The following NABP1 variants were observed in gnomAD, a reference collection of about 807,000 sequenced individuals.
NABP1 encodes nucleic acid binding protein 1.
In NABP1, 18 loss-of-function variants were observed where a neutral mutation model predicts 25.0. That is an observed-to-expected ratio of 0.72 (90% confidence interval 0.50 to 1.07). The LOEUF (loss-of-function observed/expected upper bound fraction) is 1.07, where lower values mean the gene tolerates loss of function less well. Among genes scored for constraint, NABP1 ranks in the 50% least tolerant of loss-of-function variants. NABP1 has a pLI of 0.00. For synonymous variants in NABP1, 71 were observed against 85.0 expected (o/e 0.84, Z 0.91); for missense variants, 270 against 255.6 (o/e 1.06, Z -0.39).
intron 2 of NABP1, among the ~76,000 whole-genome samples, chr2:191,681,294 C>T (rs150464977): frequency 1.8e-3 from 276 of 152,126 alleles, no homozygotes; most frequent in African/African-American, 6.5e-3. Flanking sequence ...ATTAATTTAC[C>T]TTTTTCTTAG....
chr2:191,679,211 G>A, intron 2 of NABP1, 83 bp downstream of exon 2: 1 of 1,551,220 alleles, frequency 6.4e-7, no homozygotes, highest in South Asian at 1.1e-5. Context: ...AAGCCCTGAA[G>A]TCCCCCGCCT....
chr2:191,685,587 A>G lies in NABP1; in HGVS notation c.446-12A>G, dbSNP rs1687793988. On this transcript the variant is annotated splice_polypyrimidine_tract_variant and intron_variant, in intron 5 of 5. Coordinates refer to ENST00000425611, the MANE Select transcript of NABP1 (RefSeq NM_001031716.5). Reference sequence around the variant, plus strand: ...TCTGAAAATAGTGATGAATTTTTGTATTCTTTTTTAGGAAATGGTGTTCAC... The same window carrying G: ...TCTGAAAATAGTGATGAATTTTTGTGTTCTTTTTTAGGAAATGGTGTTCAC... 1 of 1,598,072 alleles carries G rather than the reference A, an allele frequency of 6.3e-7. No individual in the cohort carries two copies. Among genetic ancestry groups the G allele is most frequent in the Non-Finnish European group, 8.5e-7 (1 of 1,170,826 alleles).
intron 5 of NABP1, 43 bp from the exon 6 acceptor site, chr2:191,685,556 A>T: frequency 6.5e-7 from 1 of 1,546,560 alleles, no homozygotes; most frequent in Non-Finnish European, 8.8e-7. Flanking sequence ...ACTTCTATAG[A>T]CTACCTCTGA....
In NABP1 at chr2:191,683,867, G is replaced by C; in HGVS notation, c.378+63G>C. ...TGACTGTGTTATAATTCTATGATTA[G>C]GCTAGCCCTGTTGATACTTAGTATA... On this transcript the variant is annotated intron_variant, in intron 4 of 5. Coordinates refer to ENST00000425611, the MANE Select transcript of NABP1 (RefSeq NM_001031716.5). This position sits in a 1 kb window ranked among gnomAD's most constrained non-coding sequence, Gnocchi z 4.1. 8.1e-7 allele frequency: 1 copy of C among 1,234,638 alleles called. No individual in the cohort carries two copies. The highest frequency in any genetic ancestry group is 1.2e-6 in the Non-Finnish European group (1 of 862,106). 76.5% of individuals were successfully genotyped at this position (1,234,638 alleles called of 1,614,324 possible). A position where few individuals can be genotyped will look rare whatever the true frequency, so the allele number is the denominator to read the frequency against.
At chr2:191,680,422 GAC>G (rs1001327923) in intron 2 of NABP1, among the ~76,000 whole-genome samples, 68 of 152,260 alleles carry the variant, frequency 4.5e-4, no homozygotes, top group African/African-American at 1.5e-3. Context: ...TCAGGACTTA[GAC>G]ATTTTCTTCT....
intron 2 of NABP1, 119 bp downstream of exon 2, chr2:191,679,247 T>G: frequency 8.4e-7 from 1 of 1,194,658 alleles, no homozygotes; most frequent in South Asian, 1.4e-5. Context: ...CTTGAGGAGT[T>G]TTGAACTCCT....
rs4386269 is a variant in NABP1 at position 191,678,423 on chromosome 2, T to G, written c.-192T>G. 4.7e-3 allele frequency: 773 copies of G among 163,006 alleles called. No homozygotes were observed. The highest frequency in any genetic ancestry group is 6.9e-3 in the Non-Finnish European group (523 of 75,518). 10.1% of individuals were successfully genotyped at this position (163,006 alleles called of 1,614,324 possible). On this transcript the variant is annotated 5_prime_UTR_variant, in exon 1 of 6. Coordinates refer to ENST00000425611, the MANE Select transcript of NABP1 (RefSeq NM_001031716.5). ...TGAGCCTTTTTTTTTTTTTTTTTTT[T>G]TTTTCTTTTTTTAGGCTCAGTGCTG...
At chr2:191,684,448 G>A (rs566343678) in intron 5 of NABP1, 152 bp downstream of exon 5, 1 of 486,518 alleles carries the variant, frequency 2.1e-6, no homozygotes, top group Admixed American at 3.8e-5. Context: ...TGATTTTCTA[G>A]AAAGTTGATA....
Position 191,682,036 on chromosome 2 carries a change from T to G in NABP1, c.302+19T>G, listed in dbSNP as rs772691037. On this transcript the variant is annotated intron_variant, in intron 3 of 5. Transcript: ENST00000425611. ...TTGGGGAGTAAGTATTAAAATGCAT[T>G]TTGTATAATTGCATATATTATAAAT... is the stretch of plus-strand genomic sequence containing the variant. The G allele has an allele frequency of 7.5e-7, 1 of 1,335,252 alleles. No individual in the cohort carries two copies. Among genetic ancestry groups the G allele is most frequent in the Admixed American group, 2.6e-5 (1 of 38,256 alleles). 82.7% of individuals were successfully genotyped at this position (1,335,252 alleles called of 1,614,324 possible).
At position 191,679,067 on chromosome 2, in the gene NABP1, T is replaced by A; in HGVS notation, c.169T>A (p.Ser57Thr). 1 of 1,614,176 alleles carries A rather than the reference T, an allele frequency of 6.2e-7. No individual in the cohort carries two copies. Among genetic ancestry groups the A allele is most frequent in the Middle Eastern group, 1.6e-4 (1 of 6,062 alleles). The change falls in exon 2 of 6, where the codon TCC (serine) becomes ACC (threonine). Residue 57 changes from serine to threonine, a missense_variant. Ser to Thr is a moderately conservative substitution (Grantham distance 58, BLOSUM62 1). Coordinates refer to ENST00000425611, the MANE Select transcript of NABP1 (RefSeq NM_001031716.5). ...AGATAAAACGGGCAGCATCACTATT[T>A]CCGTGTGGGATGAGATCGGAGGTCT... The part of the protein sequence containing the change: ...VADKTGSITI[S>T]VWDEIGGLIQ...
chr2:191,684,365 TG>T (rs1278854698), intron 5 of NABP1, 69 bp downstream of exon 5: 13 of 1,152,026 alleles, frequency 1.1e-5, no homozygotes, highest in Non-Finnish European at 1.5e-5. Flanking sequence ...AAGATTCACG[TG>T]AAAAGCAACG....
At chr2:191,681,847 C>A in intron 2 of NABP1, 99 bp from the exon 3 acceptor site, 1 of 710,608 alleles carries the variant, frequency 1.4e-6, no homozygotes, top group Non-Finnish European at 2.1e-6. Context: ...ATCCTCACTT[C>A]TACCTTAATA....
chr2:191,681,325 T>A (rs559105487), intron 2 of NABP1, among the ~76,000 whole-genome samples: 1 of 152,326 alleles, frequency 6.6e-6, no homozygotes, highest in South Asian at 2.1e-4. Context: ...TTATTTTATG[T>A]AGTGATGCTG....
Position 191,678,585 on chromosome 2 carries a change from C to A in NABP1, c.-30C>A. 1 of 1,559,294 alleles carries A rather than the reference C, an allele frequency of 6.4e-7. No homozygotes were observed. The highest frequency in any genetic ancestry group is 1.1e-5 in the South Asian group (1 of 88,884). On this transcript the variant is annotated 5_prime_UTR_variant, in exon 1 of 6. Transcript: ENST00000425611. ...TTGACCCCGCCCTGCCCACTCGCGT[C>A]TCCGCAGCCGTAGCCGCGCCTGTCC...
Position 191,683,778 on chromosome 2 carries a change from G to T in NABP1, c.352G>T (p.Asp118Tyr). 1 of 1,609,154 alleles carries T rather than the reference G, an allele frequency of 6.2e-7. No homozygotes were observed. Among genetic ancestry groups the T allele is most frequent in the Non-Finnish European group, 8.5e-7 (1 of 1,178,800 alleles). ...EVPNFSEPNP[D>Y]YRGQQNKGAQ... Reference sequence around the variant, plus strand: ...GCCAAATTTCAGTGAACCCAACCCAGATTATCGAGGACAGCAGAACAAAGG... The same window carrying T: ...GCCAAATTTCAGTGAACCCAACCCATATTATCGAGGACAGCAGAACAAAGG... The change falls in exon 4 of 6, where the codon GAT (aspartate) becomes TAT (tyrosine). Residue 118 changes from aspartate to tyrosine, a missense_variant. Asp to Tyr is a radical substitution (Grantham distance 160). Coordinates refer to ENST00000425611, the MANE Select transcript of NABP1 (RefSeq NM_001031716.5). The surrounding 1 kb of genome is among the most constrained non-coding windows in gnomAD (Gnocchi z 4.1).
Position 191,683,653 on chromosome 2 carries a change from G to A in NABP1, c.303-76G>A. 9.6e-7 allele frequency: 1 copy of A among 1,039,674 alleles called. No individual in the cohort carries two copies. 64.4% of individuals were successfully genotyped at this position (1,039,674 alleles called of 1,614,324 possible). A position where few individuals can be genotyped will look rare whatever the true frequency, so the allele number is the denominator to read the frequency against. ...TTGACACATAAGTTCATTCCTAAAAGTTAGAGATGTTACATAAAGAAGGGT... is the reference window on the plus strand; with the variant it reads ...TTGACACATAAGTTCATTCCTAAAAATTAGAGATGTTACATAAAGAAGGGT... On this transcript the variant is annotated intron_variant, in intron 3 of 5. Coordinates refer to ENST00000425611, the MANE Select transcript of NABP1 (RefSeq NM_001031716.5). This position sits in a 1 kb window ranked among gnomAD's most constrained non-coding sequence, Gnocchi z 4.1.
intron 2 of NABP1, among the ~76,000 whole-genome samples, chr2:191,679,766 G>A (rs1687623986): frequency 6.6e-6 from 1 of 152,168 alleles, no homozygotes; most frequent in Admixed American, 6.5e-5. Context: ...GTTTTCTCTA[G>A]TGTAGTTGCC....
In NABP1 at chr2:191,683,438, A is replaced by C; in HGVS notation, c.303-291A>C. On this transcript the variant is annotated intron_variant, in intron 3 of 5. Coordinates refer to ENST00000425611, the MANE Select transcript of NABP1 (RefSeq NM_001031716.5). This position sits in a 1 kb window ranked among gnomAD's most constrained non-coding sequence, Gnocchi z 4.1. The stretch of plus-strand genomic sequence containing the variant: ...TTCCTTTGATCAGCTTTTGTGGAAA[A>C]ACAGGACAGAGATGTTTTTGTGTCC... The C allele has an allele frequency of 3.1e-6, 1 of 322,550 alleles. No individual in the cohort carries two copies. The allele number at this position is 322,550 out of a possible 1,614,324, so 20.0% of individuals were successfully genotyped here. A position where few individuals can be genotyped will look rare whatever the true frequency, so the allele number is the denominator to read the frequency against.
rs1384795986 is a variant in NABP1, at chr2:191,678,362, G to A, written c.-253G>A. 2.2e-5 allele frequency: 7 copies of A among 312,250 alleles called. No individual in the cohort carries two copies. The Admixed American group carries it at 2.8e-4, about 13-fold the overall frequency. The allele number at this position is 312,250 out of a possible 1,614,324, so 19.3% of individuals were successfully genotyped here. ...TCGCCCGGTTGGGAGCGGGGTTGGT[G>A]TGCGGAGTGGTTCGCCTTTTTTTCT... On this transcript the variant is annotated 5_prime_UTR_variant, in exon 1 of 6. The change creates a new upstream start codon in the 5' untranslated region. Transcript: ENST00000425611.
Sources: gnomAD v4.1 joint callset for allele counts (sites outside exome capture counted in the v4.1 genomes callset) on GRCh38, gnomAD v4.1.1 for gene constraint, Gnocchi (gnomAD v3.1) non-coding constraint, MANE v1.5 for transcripts, NCBI Gene and HGNC (gene_info 2026-07-23, HGNC 2026-07-21) for gene names.